The following LRBA variants were observed in gnomAD, a reference collection of about 807,000 sequenced individuals.
LRBA encodes the protein lipopolysaccharide-responsive and beige-like anchor protein.
In LRBA, 176 loss-of-function variants were observed where a neutral mutation model predicts 330.0. The observed-to-expected ratio is 0.53, with a 90% CI of 0.47 to 0.60. LRBA has a LOEUF of 0.60. LRBA is among the 20% of genes least tolerant of loss of function. LRBA has a pLI of 0.00. For synonymous variants in LRBA, 1,230 were observed against 1,193.0 expected (o/e 1.03, Z -0.64); for missense variants, 3,259 against 3,444.8 (o/e 0.95, Z 1.35).
intron 36 of LRBA, among the ~76,000 whole-genome samples, chr4:150,727,145 C>T (rs1399518693): frequency 7.4e-6 from 1 of 135,000 alleles, no homozygotes; most frequent in African/African-American, 2.7e-5. Context: ...TGATTCTCAG[C>T]TCACCGCAAC....
intron 36 of LRBA, among the ~76,000 whole-genome samples, chr4:150,688,957 G>A (rs886733837): frequency 6.6e-6 from 1 of 152,150 alleles, no homozygotes; most frequent in African/African-American, 2.4e-5. Context: ...TCCCATTACT[G>A]GGTATACACC....
chr4:150,823,021 T>C (rs1745691669), intron 30 of LRBA, among the ~76,000 whole-genome samples: 1 of 152,192 alleles, frequency 6.6e-6, no homozygotes, highest in Non-Finnish European at 1.5e-5. Flanking sequence ...ATAGTGGTTG[T>C]AGTAATTACA....
intron 37 of LRBA, among the ~76,000 whole-genome samples, chr4:150,654,971 C>G (rs1056642124): frequency 4.6e-5 from 7 of 152,020 alleles, no homozygotes; most frequent in Admixed American, 1.3e-4. Context: ...GGTTCCAAGT[C>G]TTTGCTATTG....
intron 48 of LRBA, among the ~76,000 whole-genome samples, chr4:150,332,851 T>C (rs1229062317): frequency 6.6e-6 from 1 of 152,164 alleles, no homozygotes; most frequent in African/African-American, 2.4e-5. Flanking sequence ...ATTTATATTT[T>C]ATAAACAGCA....
chr4:150,761,851 T>C lies in LRBA; in HGVS notation c.5581-4A>G. ...TCTGAATAGAATTTTGCCACTCCTA[T>C]AAAAAAAAAAGCAAAAATAGCTGAA... On this transcript the variant is annotated splice_region_variant and splice_polypyrimidine_tract_variant and intron_variant, in intron 34 of 56. Transcript: ENST00000651943. 7.7e-7 allele frequency: 1 copy of C among 1,305,958 alleles called. No individual in the cohort carries two copies. Among genetic ancestry groups the C allele is most frequent in the Non-Finnish European group, 1.0e-6 (1 of 978,484 alleles). 80.9% of individuals were successfully genotyped at this position (1,305,958 alleles called of 1,614,324 possible).
In LRBA at chr4:150,583,926, G is replaced by T. The variant is rs750789167; in HGVS notation, c.6330+4122C>A. The T allele has an allele frequency of 6.2e-7, 1 of 1,612,812 alleles. No homozygotes were observed. ...GGGACGAGTCGTGCCTGGGCGACCG[G>T]CTCAACGGCATCCTGCTGCAGCTCA... is the stretch of plus-strand genomic sequence containing the variant. On this transcript the variant is annotated intron_variant, in intron 40 of 56. Coordinates refer to ENST00000651943, the MANE Select transcript of LRBA (RefSeq NM_001364905.1). The surrounding 1 kb of genome is among the most constrained non-coding windows in gnomAD (Gnocchi z 9.8).
rs1419818019 is a variant in LRBA at position 150,867,652 on chromosome 4, C to T, written c.2766+19G>A. The T allele has an allele frequency of 2.5e-6, 4 of 1,577,218 alleles. No individual in the cohort carries two copies. Among genetic ancestry groups the T allele is most frequent in the Non-Finnish European group, 2.6e-6 (3 of 1,164,352 alleles). ...TAGATATTTAAAATGCTACAATACG[C>T]TTTCATAAAGAAACTTACCTTTGAA... On this transcript the variant is annotated intron_variant, in intron 22 of 56. Coordinates refer to ENST00000651943, the MANE Select transcript of LRBA (RefSeq NM_001364905.1).
At chr4:150,626,324 C>T (rs984067202) in intron 37 of LRBA, among the ~76,000 whole-genome samples, 2 of 152,102 alleles carry the variant, frequency 1.3e-5, no homozygotes, top group Admixed American at 6.6e-5. Context: ...AACATATATA[C>T]TAAAATTTTA....
At chr4:150,299,751 G>C (rs1729415195) in intron 53 of LRBA, among the ~76,000 whole-genome samples, 1 of 151,822 alleles carries the variant, frequency 6.6e-6, no homozygotes, top group Admixed American at 6.6e-5. Flanking sequence ...CCTATAAAAT[G>C]CAGAAAAAGC....
At chr4:150,278,120 T>G (rs1747045441) in intron 55 of LRBA, 116 bp from the exon 56 acceptor site, 1 of 820,468 alleles carries the variant, frequency 1.2e-6, no homozygotes, top group Non-Finnish European at 1.8e-6. Context: ...GAGAGAGAGA[T>G]CCTCAGGAGT....
chr4:150,729,828 G>A lies in LRBA; in HGVS notation c.5754+5430C>T, dbSNP rs543493704. Among the ~76,000 whole-genome samples the A allele has an allele frequency of 2.6e-3, 397 of 152,160 alleles. 1 individual carries two copies. Among genetic ancestry groups the A allele is most frequent in the Non-Finnish European group, 4.8e-3 (323 of 67,976 alleles). On this transcript the variant is annotated intron_variant, in intron 36 of 56. Transcript: ENST00000651943. ...ACCAATGGAACAAAAAGAGGACCCA[G>A]AAACAAATCCACACAGCTACAGGAA... is the stretch of plus-strand genomic sequence containing the variant.
intron 42 of LRBA, among the ~76,000 whole-genome samples, chr4:150,477,185 C>T (rs1296378162): frequency 1.3e-5 from 2 of 152,112 alleles, no homozygotes; most frequent in African/African-American, 4.8e-5. Context: ...CAGTCTATGT[C>T]TTACTGATTT....
intron 38 of LRBA, 29 bp from the exon 39 acceptor site, chr4:150,590,888 A>G (rs749959981): frequency 2.5e-6 from 4 of 1,611,592 alleles, no homozygotes; most frequent in Non-Finnish European, 2.5e-6. Context: ...AAAGCTGTCC[A>G]TCAGTTCTGG....
chr4:150,767,881 G>C (rs1027018792), intron 34 of LRBA, among the ~76,000 whole-genome samples: 1 of 151,674 alleles, frequency 6.6e-6, no homozygotes, highest in Admixed American at 6.6e-5. Flanking sequence ...GGCCAACATG[G>C]TGAAACCCCA....
intron 41 of LRBA, among the ~76,000 whole-genome samples, chr4:150,489,466 A>T (rs1444099385): frequency 1.1e-4 from 4 of 36,484 alleles, no homozygotes; most frequent in African/African-American, 6.9e-5. Flanking sequence ...AAGAATATAA[A>T]ATATATTATA....
In LRBA at chr4:150,868,276, G is replaced by A. The variant is rs779575307; in HGVS notation, c.2479C>T (p.Arg827Ter). 8 of 1,611,422 alleles carry A rather than the reference G, an allele frequency of 5.0e-6. No individual in the cohort carries two copies. The highest frequency in any genetic ancestry group is 2.2e-5 in the East Asian group (1 of 44,828). Residue 827 changes from arginine to a stop codon, truncating the protein, a stop_gained, in exon 21 of 57, where the codon CGA becomes TGA. Transcript: ENST00000651943. LOFTEE classifies it high-confidence loss of function. ...CTCTCTGGGCACTGGGGAGAATTTC[G>A]AAGTAGGGTCGCAATTACTTTTAGT... is the stretch of plus-strand genomic sequence containing the variant. Reference protein sequence around the residue: ...QILKVIATLLRNSPQCPESME... With the variant: ...QILKVIATLL
At chr4:150,669,013 A>G (rs1781817190) in intron 37 of LRBA, among the ~76,000 whole-genome samples, 1 of 152,140 alleles carries the variant, frequency 6.6e-6, no homozygotes, top group African/African-American at 2.4e-5. Context: ...ACATATAGAG[A>G]TAGCAAAACC....
chr4:150,523,817 C>CCCAT (rs1354054681), intron 40 of LRBA, among the ~76,000 whole-genome samples: 6 of 151,994 alleles, frequency 3.9e-5, no homozygotes, highest in African/African-American at 1.2e-4. Context: ...TATCTATCTA[C>CCCAT]CCATCCATCC....
At chr4:150,547,044 T>C (rs1218398343) in intron 40 of LRBA, among the ~76,000 whole-genome samples, 1 of 152,098 alleles carries the variant, frequency 6.6e-6, no homozygotes, top group African/African-American at 2.4e-5. Flanking sequence ...GTAAATCACA[T>C]CAAACATGTC....
Sources: allele counts gnomAD v4.1 joint callset (sites outside exome capture counted in the v4.1 genomes callset), GRCh38; gene constraint gnomAD v4.1.1; non-coding constraint Gnocchi (gnomAD v3.1); transcripts MANE v1.5; gene names NCBI Gene and HGNC (gene_info 2026-07-23, HGNC 2026-07-21).